The following NOS1 variants were observed in gnomAD, a reference collection of about 807,000 sequenced individuals.
The protein encoded by NOS1 is NOS type I.
NOS1 carries 51 observed loss-of-function variants against 164.5 expected under a neutral mutation model. The observed-to-expected ratio is 0.31, with a 90% CI of 0.25 to 0.39. The LOEUF (loss-of-function observed/expected upper bound fraction) is 0.39. Among genes scored for constraint, NOS1 ranks in the 10% least tolerant of loss-of-function variants. The pLI is 1.00. For missense variants in NOS1, 1,362 were observed against 1,885.6 expected (o/e 0.72, Z 5.14); for synonymous variants, 719 against 745.8 (o/e 0.96, Z 0.59).
chr12:117,269,335 G>A (rs1566050109), intron 10 of NOS1, among the ~76,000 whole-genome samples: 3 of 152,082 alleles, frequency 2.0e-5, no homozygotes, highest in Admixed American at 6.6e-5. Context: ...TGTTTGGAGG[G>A]TGGTACATAA....
At chr12:117,287,641 T>G (rs1396426770) in intron 5 of NOS1, among the ~76,000 whole-genome samples, 1 of 152,140 alleles carries the variant, frequency 6.6e-6, no homozygotes, top group Non-Finnish European at 1.5e-5. Context: ...ATTTCACCAT[T>G]TTGGCCAGGC....
chr12:117,253,375 T>G (rs910344034), intron 17 of NOS1, among the ~76,000 whole-genome samples: 6 of 151,968 alleles, frequency 3.9e-5, no homozygotes, highest in Admixed American at 3.9e-4. Context: ...GCACAAACAA[T>G]GGGGTGAACC....
At chr12:117,302,544 G>A (rs1352355765) in intron 3 of NOS1, among the ~76,000 whole-genome samples, 3 of 145,130 alleles carry the variant, frequency 2.1e-5, no homozygotes, top group Admixed American at 7.0e-5. Context: ...GCAGTGAGCC[G>A]AGATCGGGCC....
rs773645791 is a variant in NOS1 at position 117,243,362 on chromosome 12, T to A, written c.2897A>T (p.Asp966Val). 70 of 1,614,032 alleles carry A rather than the reference T, an allele frequency of 4.3e-5. 1 individual carries two copies. In the East Asian group the frequency reaches 1.4e-3, roughly 31 times the overall value. The change falls in exon 19 of 29, where the codon GAT becomes GTT. Residue 966 changes from aspartate to valine, a missense_variant. Physicochemically the swap from Asp to Val is radical, Grantham distance 152 (BLOSUM62 -3). Coordinates refer to ENST00000317775, the MANE Select transcript of NOS1 (RefSeq NM_000620.5). This position sits in a 1 kb window ranked among gnomAD's most constrained non-coding sequence, Gnocchi z 4.3. ...GAACTTGTTTCTCTTCCAGCTGCGA[T>A]CATTGCTGATGAGGGAATTGTTGGC... The part of the protein sequence containing the change: ...EKANNSLISN[D>V]RSWKRNKFRL...
Position 117,214,911 on chromosome 12 carries a change from G to A in NOS1, c.*398C>T. 1 of 1,016,240 alleles carries A rather than the reference G, an allele frequency of 9.8e-7. No individual in the cohort carries two copies. Among genetic ancestry groups the A allele is most frequent in the Non-Finnish European group, 1.2e-6 (1 of 850,600 alleles). 63.0% of individuals were successfully genotyped at this position (1,016,240 alleles called of 1,614,324 possible). A position where few individuals can be genotyped will look rare whatever the true frequency, so the allele number is the denominator to read the frequency against. ...GTCATCATAAAAAAGGAGAAAGGGG[G>A]ACTTCAGTGGCTGAGGGACTGGCTC... On this transcript the variant is annotated 3_prime_UTR_variant, in exon 29 of 29. Transcript: ENST00000317775.
chr12:117,243,579 A>ATCCATCCT lies in NOS1; in HGVS notation c.2824-145_2824-144insAGGATGGA, dbSNP rs1217812981. 1.2e-5 allele frequency: 11 copies of ATCCATCCT among 883,822 alleles called. No homozygotes were observed. In the African/African-American group the frequency reaches 1.7e-4, roughly 14 times the overall value. 54.7% of individuals were successfully genotyped at this position (883,822 alleles called of 1,614,324 possible). On this transcript the variant is annotated intron_variant, in intron 18 of 28. Coordinates refer to ENST00000317775, the MANE Select transcript of NOS1 (RefSeq NM_000620.5). This position sits in a 1 kb window ranked among gnomAD's most constrained non-coding sequence, Gnocchi z 4.3. ...CATCCATCCATCCATCCATCCATCC[A>ATCCATCCT]TCCATCCATCCAGTAACCCTTCCCT...
intron 9 of NOS1, among the ~76,000 whole-genome samples, chr12:117,273,705 A>T (rs1872956563): frequency 6.6e-6 from 1 of 152,204 alleles, no homozygotes; most frequent in Non-Finnish European, 1.5e-5. Context: ...ATGTATATAT[A>T]TGATGAACAA....
chr12:117,314,485 C>T (rs888871812), intron 2 of NOS1, among the ~76,000 whole-genome samples: 1 of 152,140 alleles, frequency 6.6e-6, no homozygotes, highest in African/African-American at 2.4e-5. Context: ...CATTAAAAGC[C>T]CCCATTTTAC....
At chr12:117,229,869 G>A (rs528327011) in intron 22 of NOS1, among the ~76,000 whole-genome samples, 2 of 152,122 alleles carry the variant, frequency 1.3e-5, no homozygotes, top group East Asian at 1.9e-4. Context: ...GATCACAGGC[G>A]TGAGCCACTG....
chr12:117,239,786 T>C (rs1240642355), intron 20 of NOS1, among the ~76,000 whole-genome samples: 1 of 152,214 alleles, frequency 6.6e-6, no homozygotes, highest in Non-Finnish European at 1.5e-5. Context: ...TTAAAGCACT[T>C]TAAGCTTGAA....
chr12:117,314,139 A>T (rs967285326), intron 2 of NOS1, among the ~76,000 whole-genome samples: 2 of 152,194 alleles, frequency 1.3e-5, no homozygotes, highest in Admixed American at 1.3e-4. Flanking sequence ...CCCACATCAA[A>T]ACCACTTCTG....
chr12:117,337,150 C>T (rs1875870433), intron 1 of NOS1, among the ~76,000 whole-genome samples: 1 of 111,998 alleles, frequency 8.9e-6, no homozygotes, highest in Admixed American at 1.3e-4. Flanking sequence ...GAGTCTTGCT[C>T]TGTCGCCCAG....
intron 17 of NOS1, among the ~76,000 whole-genome samples, 183 bp downstream of exon 17, chr12:117,253,455 G>C (rs150063638): frequency 2.6e-5 from 4 of 152,126 alleles, no homozygotes; most frequent in African/African-American, 4.8e-5. Context: ...AATGGTGCAC[G>C]GGGAGACCAG....
Position 117,225,074 on chromosome 12 carries a change from G to A in NOS1, c.3768C>T (p.Thr1256=), listed in dbSNP as rs768477617. ...AGAAGCTTCGGAAAGGGGCAATGCCGGTGCCTGGTCCAACGAGGATGCAGG... is the reference window on the plus strand; with the variant it reads ...AGAAGCTTCGGAAAGGGGCAATGCCAGTGCCTGGTCCAACGAGGATGCAGG... ...QVPCILVGPG[T]GIAPFRSFWQ... Residue 1256 remains threonine (T), a synonymous_variant, in exon 25 of 29, where the codon ACC becomes ACT. Transcript: ENST00000317775. The A allele has an allele frequency of 3.8e-5, 61 of 1,614,204 alleles. No individual in the cohort carries two copies. The Middle Eastern group carries it at 4.9e-4, about 13-fold the overall frequency.
intron 12 of NOS1, among the ~76,000 whole-genome samples, chr12:117,265,023 A>AC (rs2135986736): frequency 6.6e-6 from 1 of 151,964 alleles, no homozygotes; most frequent in East Asian, 1.9e-4. Flanking sequence ...AAAAAAAAAA[A>AC]AATTTAGAGA....
At chr12:117,258,827 C>T (rs1871665473) in intron 15 of NOS1, among the ~76,000 whole-genome samples, 199 bp downstream of exon 15, 1 of 152,188 alleles carries the variant, frequency 6.6e-6, no homozygotes, top group Admixed American at 6.5e-5. Flanking sequence ...CAGGGACTTG[C>T]TAACTAATGG....
intron 3 of NOS1, among the ~76,000 whole-genome samples, chr12:117,295,527 C>T (rs550467773): frequency 6.6e-6 from 1 of 151,814 alleles, no homozygotes; most frequent in Non-Finnish European, 1.5e-5. Flanking sequence ...TTTGTGGATG[C>T]CTGATGTAAA....
chr12:117,336,946 G>A (rs537457941), intron 1 of NOS1, among the ~76,000 whole-genome samples: 14 of 151,866 alleles, frequency 9.2e-5, no homozygotes, highest in Non-Finnish European at 1.3e-4. Flanking sequence ...CCAGACACAC[G>A]CCACCATGCC....
At chr12:117,240,281 T>G (rs1427018678) in intron 20 of NOS1, among the ~76,000 whole-genome samples, 1 of 152,228 alleles carries the variant, frequency 6.6e-6, no homozygotes, top group African/African-American at 2.4e-5. Context: ...CCACTCCATT[T>G]CTTTAATGTT....
Sources: allele counts gnomAD v4.1 joint callset (sites outside exome capture counted in the v4.1 genomes callset), GRCh38; gene constraint gnomAD v4.1.1; non-coding constraint Gnocchi (gnomAD v3.1); transcripts MANE v1.5; gene names NCBI Gene and HGNC (gene_info 2026-07-23, HGNC 2026-07-21).